Variants in GNA12 observed in about 807,000 individuals in gnomAD.
The protein encoded by GNA12 is guanine nucleotide-binding protein subunit alpha-12.
Under a neutral mutation model 26.0 loss-of-function variants are expected in GNA12, and 9 were observed. The observed-to-expected ratio is 0.35, with a 90% CI of 0.21 to 0.60. The LOEUF is 0.60. Ranked by LOEUF, GNA12 falls within the 20% of genes least tolerant of loss-of-function variation. The pLI is 0.78. For missense variants in GNA12, 405 were observed against 525.8 expected (o/e 0.77, Z 2.25); for synonymous variants, 264 against 219.6 (o/e 1.20, Z -1.79).
chr7:2,801,904 C>G (rs1705868946), intron 1 of GNA12, among the ~76,000 whole-genome samples: 1 of 152,070 alleles, frequency 6.6e-6, no homozygotes, highest in Non-Finnish European at 1.5e-5. Flanking sequence ...AAGCCTGTAA[C>G]AATAATGTAT....
At position 2,731,549 on chromosome 7, in the gene GNA12, C is replaced by G. The variant is rs201962977; in HGVS notation, c.778G>C (p.Val260Leu). ...FMVSSSEYDQ[V>L]LMEDRRTNRL... ...TTGGTGCGCCTGTCCTCCATGAGGACCTGGTCGTACTCGCTGGAGGAGACC... is the reference window on the plus strand; with the variant it reads ...TTGGTGCGCCTGTCCTCCATGAGGAGCTGGTCGTACTCGCTGGAGGAGACC... The change falls in exon 4 of 4, where the codon GTC (valine) becomes CTC (leucine). Residue 260 changes from valine (V) to leucine (L), a missense_variant. Physicochemically the swap from Val to Leu is conservative, Grantham distance 32. Transcript: ENST00000275364. This position sits in a 1 kb window ranked among gnomAD's most constrained non-coding sequence, Gnocchi z 6.0. The G allele has an allele frequency of 1.2e-6, 2 of 1,610,906 alleles. No homozygotes were observed. Among genetic ancestry groups the G allele is most frequent in the African/African-American group, 2.7e-5 (2 of 74,832 alleles).
At position 2,731,499 on chromosome 7, in the gene GNA12, G is replaced by A. The variant is rs149751425; in HGVS notation, c.828C>T (p.Ile276=). ...RTNRLVESMN[I]FETIVNNKLF... Reference sequence around the variant, plus strand: ...GCTTGTTGTTGACGATGGTCTCGAAGATGTTCATGGACTCCACCAGCCGGT... The same window carrying A: ...GCTTGTTGTTGACGATGGTCTCGAAAATGTTCATGGACTCCACCAGCCGGT... The change falls in exon 4 of 4, where the codon ATC becomes ATT. Residue 276 remains isoleucine, a synonymous_variant. Transcript: ENST00000275364. The surrounding 1 kb of genome is among the most constrained non-coding windows in gnomAD (Gnocchi z 6.0). 5.6e-6 allele frequency: 9 copies of A among 1,613,774 alleles called. No homozygotes were observed. In the African/African-American group the frequency reaches 1.1e-4, roughly 19 times the overall value.
intron 1 of GNA12, among the ~76,000 whole-genome samples, chr7:2,813,212 A>G (rs565856615): frequency 2.6e-5 from 4 of 152,356 alleles, no homozygotes; most frequent in Admixed American, 2.0e-4. Context: ...TTCCCCTTCT[A>G]TAACAAGAGG....
chr7:2,791,453 C>G lies in GNA12; in HGVS notation c.525+3475G>C, dbSNP rs1792516630. On this transcript the variant is annotated intron_variant, in intron 2 of 3. Transcript: ENST00000275364. ...CTCCTCTCAGAGGAGAAAGGGTCGT[C>G]ACAAGGTAATCACCAGACACAGCCT... 2.0e-5 allele frequency among the ~76,000 whole-genome samples: 3 copies of G among 152,188 alleles called. No homozygotes were observed. In the East Asian group the frequency reaches 5.8e-4, roughly 29 times the overall value.
intron 1 of GNA12, among the ~76,000 whole-genome samples, chr7:2,824,486 C>T (rs1793439008): frequency 6.6e-6 from 1 of 152,148 alleles, no homozygotes; most frequent in Admixed American, 6.5e-5. Context: ...ACGCTCTCGC[C>T]CTGCTTTCTC....
At chr7:2,779,624 A>C (rs1418174942) in intron 2 of GNA12, among the ~76,000 whole-genome samples, 1 of 152,136 alleles carries the variant, frequency 6.6e-6, no homozygotes, top group Non-Finnish European at 1.5e-5. Flanking sequence ...TTTAAGACAG[A>C]GTCTTGCTCT....
At chr7:2,811,409 G>T (rs1474919960) in intron 1 of GNA12, among the ~76,000 whole-genome samples, 1 of 152,232 alleles carries the variant, frequency 6.6e-6, no homozygotes, top group Admixed American at 6.5e-5. Flanking sequence ...CCCAGCCTTG[G>T]CAGAGAAAGC....
intron 2 of GNA12, among the ~76,000 whole-genome samples, chr7:2,769,938 T>C (rs551040157): frequency 6.6e-6 from 1 of 152,278 alleles, no homozygotes; most frequent in East Asian, 1.9e-4. Context: ...AGTCTAAGTG[T>C]TTTTGTTTTT....
rs748113158 is a variant in GNA12, at chr7:2,780,048, G to GTGTATATATATATATA, written c.525+14879_525+14880insTATATATATATATACA. On this transcript the variant is annotated intron_variant, in intron 2 of 3. Coordinates refer to ENST00000275364, the MANE Select transcript of GNA12 (RefSeq NM_007353.3). ...GTACTAGTTTTTTACACATTTCTGT[G>GTGTATATATATATATA]TACATATATATATATATATATATAT... is the stretch of plus-strand genomic sequence containing the variant. Among the ~76,000 whole-genome samples the GTGTATATATATATATA allele has an allele frequency of 5.4e-3, 461 of 84,588 alleles. 24 individuals carry two copies. The highest frequency in any genetic ancestry group is 8.5e-3 in the Admixed American group (73 of 8,546). 55.5% of individuals were successfully genotyped at this position (84,588 alleles called of 152,430 possible). A position where few individuals can be genotyped will look rare whatever the true frequency, so the allele number is the denominator to read the frequency against.
chr7:2,771,107 A>G (rs1791937091), intron 2 of GNA12, among the ~76,000 whole-genome samples: 1 of 152,126 alleles, frequency 6.6e-6, no homozygotes, highest in Non-Finnish European at 1.5e-5. Context: ...CCTGACCAAC[A>G]TGGCGAAACC....
intron 2 of GNA12, among the ~76,000 whole-genome samples, chr7:2,755,602 T>C (rs932245868): frequency 6.6e-6 from 1 of 152,254 alleles, no homozygotes; most frequent in African/African-American, 2.4e-5. Context: ...TCTTGTATCC[T>C]GTAGCCTTGC....
intron 2 of GNA12, among the ~76,000 whole-genome samples, chr7:2,777,192 T>C (rs779346158): frequency 3.0e-4 from 46 of 152,182 alleles, no homozygotes; most frequent in Non-Finnish European, 6.0e-4. Flanking sequence ...CTGAACCTAA[T>C]GCTCCTTTCA....
intron 1 of GNA12, among the ~76,000 whole-genome samples, chr7:2,823,734 G>C (rs1472193252): frequency 1.3e-5 from 2 of 152,140 alleles, no homozygotes; most frequent in Non-Finnish European, 2.9e-5. Context: ...GCATGTTGCA[G>C]ACATAATAAA....
At chr7:2,780,991 G>A (rs1335719193) in intron 2 of GNA12, among the ~76,000 whole-genome samples, 1 of 152,222 alleles carries the variant, frequency 6.6e-6, no homozygotes, top group Non-Finnish European at 1.5e-5. Flanking sequence ...GAGAGTTCCT[G>A]TCATCCCACA....
At chr7:2,741,045 A>AAAACAAACAAAC (rs10603977) in intron 2 of GNA12, among the ~76,000 whole-genome samples, 4 of 151,168 alleles carry the variant, frequency 2.6e-5, no homozygotes, top group African/African-American at 4.9e-5. Flanking sequence ...ACTCCGTCTC[A>AAAACAAACAAAC]AAACAAACAA....
intron 1 of GNA12, among the ~76,000 whole-genome samples, chr7:2,841,075 AAC>A (rs1006571080): frequency 4.5e-4 from 68 of 152,398 alleles, no homozygotes; most frequent in African/African-American, 1.6e-3. Flanking sequence ...GATACCAGTT[AAC>A]ACATTTTGTT....
intron 2 of GNA12, among the ~76,000 whole-genome samples, chr7:2,759,329 C>T (rs1791450905): frequency 6.6e-6 from 1 of 152,164 alleles, no homozygotes; most frequent in Non-Finnish European, 1.5e-5. Flanking sequence ...AGAACTCACA[C>T]CTACCTTGCA....
chr7:2,806,475 A>AAAAAG (rs1554262008), intron 1 of GNA12, among the ~76,000 whole-genome samples: 14 of 150,728 alleles, frequency 9.3e-5, no homozygotes, highest in African/African-American at 1.9e-4. Flanking sequence ...AAAAAAAAAA[A>AAAAAG]AAAGAAAAAG....
At chr7:2,762,778 T>C (rs1791625450) in intron 2 of GNA12, 1 of 1,544,534 alleles carries the variant, frequency 6.5e-7, no homozygotes, top group Non-Finnish European at 8.7e-7. Context: ...CCACCCAGGC[T>C]GTACAAAAGG....
Sources: gnomAD v4.1 joint callset for allele counts (sites outside exome capture counted in the v4.1 genomes callset) on GRCh38, gnomAD v4.1.1 for gene constraint, Gnocchi (gnomAD v3.1) non-coding constraint, MANE v1.5 for transcripts, NCBI Gene and HGNC (gene_info 2026-07-23, HGNC 2026-07-21) for gene names.